The following ZSCAN23 variants were observed in gnomAD, a reference collection of about 807,000 sequenced individuals.
The protein encoded by ZSCAN23 is zinc finger and SCAN domain-containing protein 23.
ZSCAN23 carries 19 observed loss-of-function variants against 19.3 expected under a neutral mutation model. The observed-to-expected ratio is 0.99, with a 90% CI of 0.69 to 1.45. The LOEUF is 1.45. ZSCAN23 is among the 40% of genes most tolerant of loss of function. The pLI, the probability that ZSCAN23 is intolerant of heterozygous loss-of-function variation, is 0.00. For synonymous variants in ZSCAN23, 140 were observed against 166.2 expected, an observed-to-expected ratio of 0.84 and a Z score of 1.21; for missense variants, 372 against 462.5, an observed-to-expected ratio of 0.80 and a Z score of 1.79.
At position 28,433,012 on chromosome 6, in the gene ZSCAN23, A is replaced by T. The variant is rs535699575; in HGVS notation, c.*1453T>A. ...GGTGAAGAATGAATTATCTTTTTAA[A>T]AAAGTCCTACTGAGTAAATTAAATT... On this transcript the variant is annotated 3_prime_UTR_variant, in exon 4 of 4. Transcript: ENST00000289788. 6.6e-6 allele frequency: 1 copy of T among 152,284 alleles called. No individual in the cohort carries two copies. Among genetic ancestry groups the T allele is most frequent in the African/African-American group, 2.4e-5 (1 of 41,576 alleles). 9.4% of individuals were successfully genotyped at this position (152,284 alleles called of 1,614,324 possible).
chr6:28,435,773 A>G, intron 2 of ZSCAN23, 86 bp downstream of exon 2: 1 of 1,440,454 alleles, frequency 6.9e-7, no homozygotes, highest in Non-Finnish European at 9.2e-7. Flanking sequence ...ATAAAAAAAA[A>G]ATCCTCCTCC....
downstream of ZSCAN23, chr6:28,431,800 AAG>A (rs1383359127): frequency 6.6e-6 from 1 of 152,212 alleles, no homozygotes; most frequent in Non-Finnish European, 1.5e-5. Context: ...GTTGATAAAT[AAG>A]AGAGATTTCT....
rs1478139561 is a variant in ZSCAN23 at position 28,435,503 on chromosome 6, T to C, written c.513A>G (p.Gln171=). The change falls in exon 3 of 4, where the codon CAA becomes CAG. Residue 171 remains glutamine (Q), a synonymous_variant. Transcript: ENST00000289788. ...SNDQFQTLEE[Q]LGYNLREVCP... Reference sequence around the variant, plus strand: ...ACACCTCTCGCAAATTATACCCAAGTTGCTCTTCCAAGGTTTGGAATTGGT... The same window carrying C: ...ACACCTCTCGCAAATTATACCCAAGCTGCTCTTCCAAGGTTTGGAATTGGT... 3.2e-6 allele frequency: 5 copies of C among 1,551,846 alleles called. No individual in the cohort carries two copies. Among genetic ancestry groups the C allele is most frequent in the Non-Finnish European group, 4.4e-6 (5 of 1,147,072 alleles).
At chr6:28,430,554 C>T (rs1402305962), downstream of ZSCAN23, among the ~76,000 whole-genome samples, 1 of 152,132 alleles carries the variant, frequency 6.6e-6, no homozygotes, top group African/African-American at 2.4e-5. Flanking sequence ...ATCAGGTCCC[C>T]CCGAGTAACT....
At chr6:28,435,804 T>C in intron 2 of ZSCAN23, 55 bp downstream of exon 2, 1 of 1,491,906 alleles carries the variant, frequency 6.7e-7, no homozygotes, top group South Asian at 1.4e-5. Context: ...CTTGTTGCAC[T>C]GAAACCCCAT....
At chr6:28,440,734 C>T (rs540431604) in intron 1 of ZSCAN23, among the ~76,000 whole-genome samples, 3 of 152,256 alleles carry the variant, frequency 2.0e-5, no homozygotes, top group South Asian at 2.1e-4. Flanking sequence ...TAGAGCTCTG[C>T]CCAGAAAAAT....
At chr6:28,426,026 G>C in the ZSCAN23 span, among the ~76,000 whole-genome samples, 1 of 152,184 alleles carries the variant, frequency 6.6e-6, no homozygotes, top group African/African-American at 2.4e-5. Flanking sequence ...ATTGAAGAAA[G>C]TTAGGACCCT....
chr6:28,437,028 G>A (rs1220056953), intron 1 of ZSCAN23, among the ~76,000 whole-genome samples: 1 of 152,154 alleles, frequency 6.6e-6, no homozygotes, highest in Non-Finnish European at 1.5e-5. Flanking sequence ...AAGATAAAAC[G>A]AGGATAATGA....
chr6:28,443,122 C>A (rs1242870177), intron 1 of ZSCAN23, among the ~76,000 whole-genome samples: 1 of 152,130 alleles, frequency 6.6e-6, no homozygotes. Flanking sequence ...TCCTAAGATG[C>A]AGATACGGAG....
At chr6:28,440,895 C>T (rs1761985972) in intron 1 of ZSCAN23, among the ~76,000 whole-genome samples, 1 of 152,174 alleles carries the variant, frequency 6.6e-6, no homozygotes, top group Non-Finnish European at 1.5e-5. Flanking sequence ...CTTGCACCAG[C>T]ATACCTGAGT....
At chr6:28,438,194 T>G (rs1325433262) in intron 1 of ZSCAN23, among the ~76,000 whole-genome samples, 1 of 152,120 alleles carries the variant, frequency 6.6e-6, no homozygotes, top group East Asian at 1.9e-4. Flanking sequence ...CCTCCTGGGT[T>G]CAAGCAATTC....
Position 28,434,736 on chromosome 6 carries a change from G to C in ZSCAN23, c.899C>G (p.Thr300Ser), listed in dbSNP as rs764594106. The C allele has an allele frequency of 6.2e-7, 1 of 1,601,840 alleles. No homozygotes were observed. Among genetic ancestry groups the C allele is most frequent in the African/African-American group, 1.3e-5 (1 of 74,708 alleles). ...SGLFQHQRLH[T>S]GEKRYQCSVC... ...ACTGCACTGGTAGCGCTTCTCCCCA[G>C]TGTGGAGTCTCTGGTGCTGGAATAG... The change falls in exon 4 of 4, where the codon ACT becomes AGT. Residue 300 changes from threonine to serine, a missense_variant. Coordinates refer to ENST00000289788, the MANE Select transcript of ZSCAN23 (RefSeq NM_001012455.2).
Position 28,434,339 on chromosome 6 carries a change from A to T in ZSCAN23, c.*126T>A. On this transcript the variant is annotated 3_prime_UTR_variant, in exon 4 of 4. Transcript: ENST00000289788. Reference sequence around the variant, plus strand: ...ATCAGAGAACTCGGCAGATGTATTTAAGATATTATGCTTCTCTCTGCATAA... The same window carrying T: ...ATCAGAGAACTCGGCAGATGTATTTTAGATATTATGCTTCTCTCTGCATAA... 9.0e-7 allele frequency: 1 copy of T among 1,115,746 alleles called. No homozygotes were observed. The highest frequency in any genetic ancestry group is 1.2e-6 in the Non-Finnish European group (1 of 805,064). 69.1% of individuals were successfully genotyped at this position (1,115,746 alleles called of 1,614,324 possible). A position where few individuals can be genotyped will look rare whatever the true frequency, so the allele number is the denominator to read the frequency against.
downstream of ZSCAN23, among the ~76,000 whole-genome samples, chr6:28,430,958 A>C (rs1051824728): frequency 6.6e-6 from 1 of 152,186 alleles, no homozygotes; most frequent in African/African-American, 2.4e-5. Context: ...AAGGTTGAAC[A>C]CTGTACTCCA....
Position 28,436,074 on chromosome 6 carries a change from C to A in ZSCAN23, c.193G>T (p.Ala65Ser). The A allele has an allele frequency of 6.2e-7, 1 of 1,614,170 alleles. No individual in the cohort carries two copies. Among genetic ancestry groups the A allele is most frequent in the Non-Finnish European group, 8.5e-7 (1 of 1,180,008 alleles). Residue 65 changes from alanine to serine, a missense_variant, in exon 2 of 4, where the codon GCT (alanine) becomes TCT (serine). Ala to Ser is a moderately conservative substitution (Grantham distance 99, BLOSUM62 1). Transcript: ENST00000289788. ...CYQESPGPRE[A>S]LQRLQELCHQ... ...CAGAGCTCCTGGAGTCTTTGAAGAG[C>A]CTCCCGGGGCCCAGGGGACTCCTGA...
At chr6:28,437,763 TA>T (rs1761922960) in intron 1 of ZSCAN23, among the ~76,000 whole-genome samples, 1 of 152,216 alleles carries the variant, frequency 6.6e-6, no homozygotes, top group East Asian at 1.9e-4. Context: ...TTTTATATTA[TA>T]ACCCAGAACA....
In ZSCAN23 at chr6:28,443,474, G is replaced by A. The variant is rs1430694843; in HGVS notation, c.-153C>T. 2.0e-5 allele frequency: 3 copies of A among 152,252 alleles called. No individual in the cohort carries two copies. Among genetic ancestry groups the A allele is most frequent in the Non-Finnish European group, 2.9e-5 (2 of 68,060 alleles). 9.4% of individuals were successfully genotyped at this position (152,252 alleles called of 1,614,324 possible). A position where few individuals can be genotyped will look rare whatever the true frequency, so the allele number is the denominator to read the frequency against. On this transcript the variant is annotated 5_prime_UTR_variant, in exon 1 of 4. Transcript: ENST00000289788. ...GAATCCTTGACAACCGCAGCCCAAA[G>A]AATGATAAACTACAAAGGCCGGAAA...
rs1761810706 is a variant in ZSCAN23 at position 28,433,772 on chromosome 6, G to C, written c.*693C>G. ...TTACGGGAAAAATACAAAGAGGCCTGTATTTTCCAATAAGAAATCTGAGGT... is the reference window on the plus strand; with the variant it reads ...TTACGGGAAAAATACAAAGAGGCCTCTATTTTCCAATAAGAAATCTGAGGT... On this transcript the variant is annotated 3_prime_UTR_variant, in exon 4 of 4. Coordinates refer to ENST00000289788, the MANE Select transcript of ZSCAN23 (RefSeq NM_001012455.2). 6.6e-6 allele frequency: 1 copy of C among 152,066 alleles called. No homozygotes were observed. Among genetic ancestry groups the C allele is most frequent in the African/African-American group, 2.4e-5 (1 of 41,426 alleles). 9.4% of individuals were successfully genotyped at this position (152,066 alleles called of 1,614,324 possible).
downstream of ZSCAN23, among the ~76,000 whole-genome samples, chr6:28,430,719 T>C (rs190397111): frequency 1.4e-4 from 22 of 152,236 alleles, no homozygotes; most frequent in African/African-American, 4.1e-4. Flanking sequence ...TGAAGATCTA[T>C]TGACACACTT....
Sources: allele counts gnomAD v4.1 joint callset (sites outside exome capture counted in the v4.1 genomes callset), GRCh38; gene constraint gnomAD v4.1.1; transcripts MANE v1.5; gene names NCBI Gene and HGNC (gene_info 2026-07-23, HGNC 2026-07-21).